Variants in EPB41L2 observed in about 807,000 individuals in gnomAD.
EPB41L2 encodes band 4.1-like protein 2.
A neutral mutation model predicts 113.0 loss-of-function variants in EPB41L2; 43 were observed. That is an observed-to-expected ratio of 0.38 (90% CI 0.30 to 0.49). The LOEUF is 0.49. Ranked by LOEUF, EPB41L2 falls within the 20% of genes least tolerant of loss-of-function variation. EPB41L2 has a pLI of 0.95. For synonymous variants in EPB41L2, 442 were observed against 436.7 expected (o/e 1.01, Z -0.15); for missense variants, 1,147 against 1,223.4 (o/e 0.94, Z 0.93).
intron 3 of EPB41L2, among the ~76,000 whole-genome samples, chr6:130,948,142 T>C (rs548524805): frequency 4.0e-4 from 61 of 152,314 alleles, no homozygotes; most frequent in African/African-American, 1.4e-3. Context: ...TAATCATCTA[T>C]TAAATGAAAA....
chr6:130,951,269 G>A (rs9483196), intron 3 of EPB41L2, among the ~76,000 whole-genome samples: 16,918 of 119,624 alleles, frequency 0.14, 2,000 homozygotes, highest in Admixed American at 0.17. Flanking sequence ...AAAAGGAGGG[G>A]GAGGGGGGGA....
At chr6:130,954,098 G>T (rs1487390263) in intron 3 of EPB41L2, among the ~76,000 whole-genome samples, 4 of 117,580 alleles carry the variant, frequency 3.4e-5, no homozygotes, top group Non-Finnish European at 5.0e-5. Flanking sequence ...TGTCGCCCAG[G>T]CTGGAGTGCA....
chr6:130,900,454 G>A (rs1421988589), intron 7 of EPB41L2, among the ~76,000 whole-genome samples: 1 of 152,158 alleles, frequency 6.6e-6, no homozygotes, highest in East Asian at 1.9e-4. Context: ...TTAATGTAAT[G>A]TTAAGTAATC....
chr6:130,879,644 G>T (rs1788636529), intron 13 of EPB41L2, among the ~76,000 whole-genome samples: 1 of 151,862 alleles, frequency 6.6e-6, no homozygotes, highest in African/African-American at 2.4e-5. Context: ...TCTTTAATTA[G>T]CATATTCTCA....
At position 130,899,571 on chromosome 6, in the gene EPB41L2, A is replaced by G. The variant is rs763630875; in HGVS notation, c.1156T>C (p.Ser386Pro). 1 of 1,613,682 alleles carries G rather than the reference A, an allele frequency of 6.2e-7. No homozygotes were observed. Among genetic ancestry groups the G allele is most frequent in the African/African-American group, 1.3e-5 (1 of 74,924 alleles). ...AACTGGGAATCAGCTTGTGCTGGCG[A>G]TAAGCCCCTGAGAATCAAAAGAAAC... is the stretch of plus-strand genomic sequence containing the variant. ...AELHKTHRGL[S>P]PAQADSQFLE... The change falls in exon 8 of 20, where the codon TCG (serine) becomes CCG (proline). Residue 386 changes from serine to proline, a missense_variant. Transcript: ENST00000337057.
intron 14 of EPB41L2, among the ~76,000 whole-genome samples, chr6:130,875,874 T>C (rs944608582): frequency 6.6e-6 from 1 of 151,480 alleles, no homozygotes; most frequent in African/African-American, 2.4e-5. Context: ...AGCAGGCACC[T>C]GTAATCCCAG....
At chr6:130,906,381 C>T (rs895029534) in intron 5 of EPB41L2, among the ~76,000 whole-genome samples, 8 of 152,130 alleles carry the variant, frequency 5.3e-5, no homozygotes, top group Middle Eastern at 3.4e-3. Flanking sequence ...TTTTAAAATA[C>T]GTATACATTG....
chr6:131,061,250 T>C (rs1484198988), intron 1 of EPB41L2, among the ~76,000 whole-genome samples: 1 of 152,186 alleles, frequency 6.6e-6, no homozygotes, highest in Non-Finnish European at 1.5e-5. Context: ...AGACCACTAC[T>C]GACTTCAGTG....
chr6:131,016,273 T>A (rs186767873), intron 1 of EPB41L2, among the ~76,000 whole-genome samples: 87 of 152,318 alleles, frequency 5.7e-4, no homozygotes, highest in Non-Finnish European at 1.0e-3. Flanking sequence ...TTTTAAATGA[T>A]CTTTCCAGTA....
At chr6:130,881,832 C>T (rs1485370778) in intron 12 of EPB41L2, 1 of 152,002 alleles carries the variant, frequency 6.6e-6, no homozygotes, top group African/African-American at 2.4e-5. Context: ...AGAATAGTAC[C>T]TTCCTTATAA....
At chr6:130,924,746 C>A (rs1205629009) in intron 4 of EPB41L2, among the ~76,000 whole-genome samples, 1 of 152,176 alleles carries the variant, frequency 6.6e-6, no homozygotes, top group Non-Finnish European at 1.5e-5. Flanking sequence ...TATCAGTTTA[C>A]CTTCCTACCC....
chr6:130,993,598 C>A (rs750030339), intron 1 of EPB41L2, among the ~76,000 whole-genome samples: 1 of 152,144 alleles, frequency 6.6e-6, no homozygotes, highest in Non-Finnish European at 1.5e-5. Flanking sequence ...AGGTAGTACC[C>A]AGACGGCCTC....
intron 14 of EPB41L2, among the ~76,000 whole-genome samples, chr6:130,875,089 C>T (rs1024677347): frequency 1.3e-5 from 2 of 152,136 alleles, no homozygotes; most frequent in African/African-American, 4.8e-5. Context: ...TTCTCATTTG[C>T]AATGTTCTGA....
chr6:131,003,533 CCA>C (rs908883884), intron 1 of EPB41L2, among the ~76,000 whole-genome samples: 1 of 152,150 alleles, frequency 6.6e-6, no homozygotes, highest in African/African-American at 2.4e-5. Context: ...AAGGGCAAAA[CCA>C]CAGTTTTGTT....
chr6:130,858,535 C>T (rs1780994479), intron 18 of EPB41L2, among the ~76,000 whole-genome samples: 1 of 152,226 alleles, frequency 6.6e-6, no homozygotes, highest in African/African-American at 2.4e-5. Context: ...TTGGAGAAAA[C>T]AGTTCTTTGG....
At chr6:130,968,332 A>G (rs1007451040) in intron 1 of EPB41L2, among the ~76,000 whole-genome samples, 1 of 152,200 alleles carries the variant, frequency 6.6e-6, no homozygotes, top group African/African-American at 2.4e-5. Context: ...GCTGGAGCCT[A>G]CACTGATCTC....
At chr6:130,863,026 A>G (rs1164438681) in intron 18 of EPB41L2, among the ~76,000 whole-genome samples, 2 of 152,218 alleles carry the variant, frequency 1.3e-5, no homozygotes, top group Non-Finnish European at 1.5e-5. Context: ...ACTGCTCTCA[A>G]AGTCTCCAGC....
rs549433517 is a variant in EPB41L2, at chr6:130,937,138, G to A, written c.706-10429C>T. Among the ~76,000 whole-genome samples, 10 of 152,208 alleles carry A rather than the reference G, an allele frequency of 6.6e-5. No homozygotes were observed. The South Asian group carries it at 1.5e-3, about 22-fold the overall frequency. Reference sequence around the variant, plus strand: ...ACTGGTGAACCTCCACTGACATGTCGTTATCACCCAAAGTCCACAGTTTAT... The same window carrying A: ...ACTGGTGAACCTCCACTGACATGTCATTATCACCCAAAGTCCACAGTTTAT... On this transcript the variant is annotated intron_variant, in intron 3 of 19. Transcript: ENST00000337057.
intron 1 of EPB41L2, among the ~76,000 whole-genome samples, chr6:131,006,618 C>T (rs1311592395): frequency 7.2e-5 from 6 of 83,694 alleles, no homozygotes; most frequent in African/African-American, 1.7e-4. Flanking sequence ...TGCAGTGAGC[C>T]GAGATCGCAC....
Sources: allele counts gnomAD v4.1 joint callset (sites outside exome capture counted in the v4.1 genomes callset), GRCh38; gene constraint gnomAD v4.1.1; transcripts MANE v1.5; gene names NCBI Gene and HGNC (gene_info 2026-07-23, HGNC 2026-07-21).